Variants in LRP8 observed in about 807,000 individuals in gnomAD.
LRP8 encodes the protein low-density lipoprotein receptor-related protein 8.
Under a neutral mutation model 111.6 loss-of-function variants are expected in LRP8, and 46 were observed. The observed-to-expected ratio is 0.41, with a 90% CI of 0.33 to 0.53. The LOEUF (loss-of-function observed/expected upper bound fraction) is 0.53. Ranked by LOEUF, LRP8 falls within the 20% of genes least tolerant of loss-of-function variation. LRP8 has a pLI of 0.20. For synonymous variants in LRP8, 464 were observed against 511.2 expected, an observed-to-expected ratio of 0.91 and a Z score of 1.24; for missense variants, 959 against 1,297.4, an observed-to-expected ratio of 0.74 and a Z score of 4.01.
At chr1:53,248,457 A>G (rs1231186325) in intron 18 of LRP8, among the ~76,000 whole-genome samples, 3 of 152,224 alleles carry the variant, frequency 2.0e-5, no homozygotes, top group Non-Finnish European at 4.4e-5. Flanking sequence ...CTTCAAGGCT[A>G]TTTACCTCAC....
At chr1:53,259,297 T>G (rs1285214382) in intron 13 of LRP8, among the ~76,000 whole-genome samples, 3 of 152,112 alleles carry the variant, frequency 2.0e-5, no homozygotes, top group South Asian at 2.1e-4. Context: ...GTTTTTGTAG[T>G]GATAGAGTCT....
chr1:53,321,395 A>G (rs894370364), intron 2 of LRP8, among the ~76,000 whole-genome samples: 10 of 152,154 alleles, frequency 6.6e-5, no homozygotes, highest in African/African-American at 2.4e-4. Context: ...CCCTAAGGAC[A>G]CAACCCCACA....
In LRP8 at chr1:53,275,783, A is replaced by G. The variant is rs769067130; in HGVS notation, c.884-30T>C. The G allele has an allele frequency of 6.2e-7, 1 of 1,611,974 alleles. No homozygotes were observed. The highest frequency in any genetic ancestry group is 8.5e-7 in the Non-Finnish European group (1 of 1,179,130). ...CAGGAGAGGGCAAGGGGAGAGGATC[A>G]GAGTCAGTGTGGTGCTAGGACAATT... On this transcript the variant is annotated intron_variant, in intron 5 of 18. Transcript: ENST00000306052. This position sits in a 1 kb window ranked among gnomAD's most constrained non-coding sequence, Gnocchi z 4.4.
rs182920896 is a variant in LRP8, at chr1:53,258,792, T to A, written c.2057-321A>T. ...CCGCTATTACCTTCTCCATTTTTAG[T>A]CTCTAAAGTCCATTATATGCCCCTG... On this transcript the variant is annotated intron_variant, in intron 13 of 18. Transcript: ENST00000306052. 5.4e-3 allele frequency among the ~76,000 whole-genome samples: 823 copies of A among 152,140 alleles called. 20 individuals carry two copies. Among genetic ancestry groups the A allele is most frequent in the Admixed American group, 0.029 (447 of 15,272 alleles).
rs1441195111 is a variant in LRP8 at position 53,317,470 on chromosome 1, C to G, written c.244+9403G>C. Among the ~76,000 whole-genome samples, 2 of 152,216 alleles carry G rather than the reference C, an allele frequency of 1.3e-5. No homozygotes were observed. Among genetic ancestry groups the G allele is most frequent in the African/African-American group, 4.8e-5 (2 of 41,454 alleles). The stretch of plus-strand genomic sequence containing the variant: ...AGATGGCTCCGACAGTCCCTCCCAG[C>G]CCGAGGAGCTGCTGTTCTCTCAGGC... On this transcript the variant is annotated intron_variant, in intron 2 of 18. Coordinates refer to ENST00000306052, the MANE Select transcript of LRP8 (RefSeq NM_004631.5). The surrounding 1 kb of genome is among the most constrained non-coding windows in gnomAD (Gnocchi z 4.9).
intron 16 of LRP8, 62 bp downstream of exon 16, chr1:53,255,055 G>A (rs878944456): frequency 3.4e-5 from 53 of 1,558,330 alleles, no homozygotes; most frequent in South Asian, 2.3e-4. Flanking sequence ...CCCTGCTAGC[G>A]CTCTTCCCTA....
chr1:53,262,613 G>C lies in LRP8; in HGVS notation c.1656-49C>G. On this transcript the variant is annotated intron_variant, in intron 10 of 18. Coordinates refer to ENST00000306052, the MANE Select transcript of LRP8 (RefSeq NM_004631.5). This position sits in a 1 kb window ranked among gnomAD's most constrained non-coding sequence, Gnocchi z 4.8. ...TGCCTTCTTGCTGGGGACATGACCG[G>C]GGTGGTCTGAGTCACAAGAGCTCAA... The C allele has an allele frequency of 6.7e-7, 1 of 1,490,018 alleles. No individual in the cohort carries two copies. The highest frequency in any genetic ancestry group is 9.4e-7 in the Non-Finnish European group (1 of 1,069,052). 92.3% of individuals were successfully genotyped at this position (1,490,018 alleles called of 1,614,324 possible).
At position 53,249,667 on chromosome 1, in the gene LRP8, A is replaced by G; in HGVS notation, c.2677-111T>C. 1 of 1,423,030 alleles carries G rather than the reference A, an allele frequency of 7.0e-7. No homozygotes were observed. The allele number at this position is 1,423,030 out of a possible 1,614,324, so 88.2% of individuals were successfully genotyped here. On this transcript the variant is annotated intron_variant, in intron 17 of 18. Coordinates refer to ENST00000306052, the MANE Select transcript of LRP8 (RefSeq NM_004631.5). This position sits in a 1 kb window ranked among gnomAD's most constrained non-coding sequence, Gnocchi z 4.1. ...CACTTTGTGGTCCTCATTCCCCCAA[A>G]AAGCCATGCTGTGTTGTACCTTCAA...
Position 53,271,394 on chromosome 1 carries a change from G to C in LRP8, c.1007-48C>G, listed in dbSNP as rs779192450. 5.6e-6 allele frequency: 9 copies of C among 1,611,724 alleles called. No homozygotes were observed. In the East Asian group the frequency reaches 2.0e-4, roughly 36 times the overall value. On this transcript the variant is annotated intron_variant, in intron 6 of 18. Transcript: ENST00000306052. ...GAAGGTCCAGGAGCCCAGGAGGAGT[G>C]GGGGCAGGGCAGGGGTAGGACCTAG... is the stretch of plus-strand genomic sequence containing the variant.
rs1248664826 is a variant in LRP8 at position 53,260,456 on chromosome 1, C to T, written c.2056+8G>A. 1.2e-6 allele frequency: 2 copies of T among 1,613,614 alleles called. No homozygotes were observed. The highest frequency in any genetic ancestry group is 2.7e-5 in the African/African-American group (2 of 74,914). ...GGGACCTGGGACCTAGGACCAGAGA[C>T]AGCTCACCTCTTGGCTGCTTCAGCT... On this transcript the variant is annotated splice_region_variant and intron_variant, in intron 13 of 18. Transcript: ENST00000306052.
rs932368996 is a variant in LRP8 at position 53,303,512 on chromosome 1, T to C, written c.245-13823A>G. On this transcript the variant is annotated intron_variant, in intron 2 of 18. Transcript: ENST00000306052. The surrounding 1 kb of genome is among the most constrained non-coding windows in gnomAD (Gnocchi z 4.3). ...GGAACAAAACTGCCGCTGAAGAGACTGGAGGAATCATAAGATAGTCTTCGA... is the reference window on the plus strand; with the variant it reads ...GGAACAAAACTGCCGCTGAAGAGACCGGAGGAATCATAAGATAGTCTTCGA... Among the ~76,000 whole-genome samples the C allele has an allele frequency of 1.3e-5, 2 of 152,256 alleles. No individual in the cohort carries two copies. The highest frequency in any genetic ancestry group is 2.9e-5 in the Non-Finnish European group (2 of 68,044).
chr1:53,301,018 G>A (rs183847492), intron 2 of LRP8, among the ~76,000 whole-genome samples: 1 of 152,174 alleles, frequency 6.6e-6, no homozygotes, highest in Non-Finnish European at 1.5e-5. Flanking sequence ...GAGGGTGCTC[G>A]AGGTGTGGGG....
At chr1:53,267,581 T>G (rs895373953) in intron 8 of LRP8, 1 of 152,226 alleles carries the variant, frequency 6.6e-6, no homozygotes, top group African/African-American at 2.4e-5. Context: ...CTGGGTGAGT[T>G]TGTTCTCTAT....
intron 14 of LRP8, 85 bp from the exon 15 acceptor site, chr1:53,257,549 T>C (rs1158084257): frequency 2.0e-6 from 2 of 1,017,972 alleles, no homozygotes; most frequent in Non-Finnish European, 3.0e-6. Flanking sequence ...TAGGAACTTA[T>C]CTTCATGGCG....
At position 53,243,411 on chromosome 1, in the gene LRP8, A is replaced by G. The variant is rs1645676690; in HGVS notation, c.*3607T>C. 3 of 152,240 alleles carry G rather than the reference A, an allele frequency of 2.0e-5. No individual in the cohort carries two copies. The highest frequency in any genetic ancestry group is 6.5e-5 in the Admixed American group (1 of 15,286). The allele number at this position is 152,240 out of a possible 1,614,324, so 9.4% of individuals were successfully genotyped here. A position where few individuals can be genotyped will look rare whatever the true frequency, so the allele number is the denominator to read the frequency against. On this transcript the variant is annotated 3_prime_UTR_variant, in exon 19 of 19. Transcript: ENST00000306052. The stretch of plus-strand genomic sequence containing the variant: ...TATAAAAAATCTTTGACTCAAATAT[A>G]TGAAAAGCAGTCAGCATTTCCCTTT...
chr1:53,266,669 A>G lies in LRP8; in HGVS notation c.1253-22T>C, dbSNP rs375904770. On this transcript the variant is annotated intron_variant, in intron 8 of 18. Transcript: ENST00000306052. The surrounding 1 kb of genome is among the most constrained non-coding windows in gnomAD (Gnocchi z 5.0). ...CCAGCTGTCATGCAGGGAGGTTGAA[A>G]GAGAAAGAGTCAGTGCAAGAGGCAG... The G allele has an allele frequency of 6.5e-5, 104 of 1,612,366 alleles. No individual in the cohort carries two copies. The highest frequency in any genetic ancestry group is 7.7e-5 in the Non-Finnish European group (91 of 1,178,984).
intron 2 of LRP8, among the ~76,000 whole-genome samples, chr1:53,297,388 C>A (rs776259997): frequency 1.3e-5 from 2 of 152,166 alleles, no homozygotes; most frequent in African/African-American, 2.4e-5. Context: ...TCGGCGGTTC[C>A]CAGAAGGCGA....
chr1:53,307,849 G>A (rs1385310353), intron 2 of LRP8, among the ~76,000 whole-genome samples: 2 of 152,236 alleles, frequency 1.3e-5, no homozygotes, highest in East Asian at 3.8e-4. Context: ...TGAGGCCAAG[G>A]CGGGAAGCAG....
At chr1:53,285,290 A>C (rs1647375394) in intron 3 of LRP8, among the ~76,000 whole-genome samples, 1 of 152,018 alleles carries the variant, frequency 6.6e-6, no homozygotes, top group Admixed American at 6.5e-5. Context: ...CCCTGGCACC[A>C]CTGGCCCAGA....
Sources: allele counts gnomAD v4.1 joint callset (sites outside exome capture counted in the v4.1 genomes callset), GRCh38; gene constraint gnomAD v4.1.1; non-coding constraint Gnocchi (gnomAD v3.1); transcripts MANE v1.5; gene names NCBI Gene and HGNC (gene_info 2026-07-23, HGNC 2026-07-21).